The following PDE4D variants were observed in gnomAD, a reference collection of about 807,000 sequenced individuals.
PDE4D encodes phosphodiesterase 4D, also known as 3',5'-cyclic-AMP phosphodiesterase 4D.
Under a neutral mutation model 87.4 loss-of-function variants are expected in PDE4D, and 24 were observed. The observed-to-expected ratio is 0.27, with a 90% CI of 0.20 to 0.39. PDE4D has a LOEUF of 0.39. Ranked by LOEUF, PDE4D falls within the 10% of genes least tolerant of loss-of-function variation. The probability of loss-of-function intolerance (pLI) is 1.00; values close to 1 mark genes in which losing one functional copy is unlikely to be tolerated. For missense variants in PDE4D, 714 were observed against 1,041.0 expected, an observed-to-expected ratio of 0.69 and a Z score of 4.32; for synonymous variants, 384 against 383.2, an observed-to-expected ratio of 1.00 and a Z score of -0.02.
intron 1 of PDE4D, among the ~76,000 whole-genome samples, chr5:60,467,001 C>G (rs1747405745): frequency 6.7e-6 from 1 of 150,278 alleles, no homozygotes; most frequent in Admixed American, 6.7e-5. Context: ...TTTAACAGAT[C>G]TGCACTGGAA....
intron 1 of PDE4D, among the ~76,000 whole-genome samples, chr5:60,226,332 T>G (rs1212396914): frequency 6.6e-6 from 1 of 152,048 alleles, no homozygotes. Context: ...AAAAACAAAG[T>G]ACTAGACTTC....
intron 1 of PDE4D, among the ~76,000 whole-genome samples, chr5:59,325,714 T>C (rs1182207416): frequency 1.3e-5 from 2 of 152,156 alleles, no homozygotes; most frequent in Non-Finnish European, 2.9e-5. Context: ...GAAAGTTTGG[T>C]AGAACTTGTA....
intron 2 of PDE4D, among the ~76,000 whole-genome samples, chr5:60,160,548 C>A (rs952388113): frequency 1.3e-5 from 2 of 152,048 alleles, no homozygotes; most frequent in Non-Finnish European, 2.9e-5. Context: ...GTGAAAAACA[C>A]ATATCATTTA....
chr5:59,404,982 T>C (rs1359497729), intron 1 of PDE4D, among the ~76,000 whole-genome samples: 2 of 152,214 alleles, frequency 1.3e-5, no homozygotes, highest in Non-Finnish European at 2.9e-5. Flanking sequence ...TTGGTTACTA[T>C]AGCTCTGTAG....
chr5:60,028,908 A>G (rs1766938759), intron 2 of PDE4D, among the ~76,000 whole-genome samples: 1 of 152,146 alleles, frequency 6.6e-6, no homozygotes, highest in Admixed American at 6.5e-5. Flanking sequence ...CAATCCCTCC[A>G]GTCAGATTAC....
rs180940313 is a variant in PDE4D, at chr5:59,636,056, T to C, written c.455+257112A>G. On this transcript the variant is annotated intron_variant, in intron 1 of 14. Coordinates refer to ENST00000340635, the MANE Select transcript of PDE4D (RefSeq NM_001104631.2). ...GCAAAGTCTCAGGATAAAAACTCAA[T>C]GTACAAAAATCACAATCATTCCTAT... Among the ~76,000 whole-genome samples, 198 of 149,910 alleles carry C rather than the reference T, an allele frequency of 1.3e-3. 1 individual carries two copies. The highest frequency in any genetic ancestry group is 4.6e-3 in the African/African-American group (186 of 40,490).
intron 1 of PDE4D, among the ~76,000 whole-genome samples, chr5:59,488,647 C>CG (rs1308466173): frequency 6.7e-6 from 1 of 148,366 alleles, no homozygotes; most frequent in Non-Finnish European, 1.5e-5. Flanking sequence ...ATAAACCTTT[C>CG]AAAAAATATA....
intron 5 of PDE4D, among the ~76,000 whole-genome samples, chr5:59,086,901 G>A (rs1188611483): frequency 6.6e-6 from 1 of 151,976 alleles, no homozygotes; most frequent in Non-Finnish European, 1.5e-5. Flanking sequence ...GATTATTGTA[G>A]TAGGCTCTGA....
intron 1 of PDE4D, among the ~76,000 whole-genome samples, chr5:59,775,324 A>G (rs1031302645): frequency 6.6e-6 from 1 of 152,146 alleles, no homozygotes; most frequent in Non-Finnish European, 1.5e-5. Flanking sequence ...CCATATCTCA[A>G]TCTGTACTAG....
chr5:60,141,811 C>G (rs973281188), intron 2 of PDE4D, among the ~76,000 whole-genome samples: 1 of 152,094 alleles, frequency 6.6e-6, no homozygotes. Context: ...ATGGGAGAGG[C>G]CTTGGTTTGA....
At chr5:60,241,602 T>C (rs1344039261) in intron 1 of PDE4D, among the ~76,000 whole-genome samples, 4 of 151,932 alleles carry the variant, frequency 2.6e-5, no homozygotes, top group Non-Finnish European at 5.9e-5. Flanking sequence ...ATTAGTGAGC[T>C]AGAAGACAGG....
chr5:59,488,647 C>G (rs948006367), intron 1 of PDE4D, among the ~76,000 whole-genome samples: 2 of 148,366 alleles, frequency 1.3e-5, no homozygotes, highest in Non-Finnish European at 3.0e-5. Flanking sequence ...ATAAACCTTT[C>G]AAAAAATATA....
At chr5:60,185,749 C>T in intron 1 of PDE4D, 2 of 527,918 alleles carry the variant, frequency 3.8e-6, no homozygotes, top group African/African-American at 1.9e-5. Flanking sequence ...CTTTGAAATG[C>T]TGTCTTAGAC....
At chr5:59,475,456 A>T (rs1051684656) in intron 1 of PDE4D, among the ~76,000 whole-genome samples, 20 of 152,132 alleles carry the variant, frequency 1.3e-4, no homozygotes, top group Admixed American at 1.2e-3. Flanking sequence ...TCTTACTTTC[A>T]CTCTCAAGTC....
At position 58,974,602 on chromosome 5, in the gene PDE4D, C is replaced by T. The variant is rs2153301680; in HGVS notation, c.*62G>A. ...GTGTGACCGTGGTTGTGGCATGTGACATGCACTTTGGAAACAATTTTTCTA... is the reference window on the plus strand; with the variant it reads ...GTGTGACCGTGGTTGTGGCATGTGATATGCACTTTGGAAACAATTTTTCTA... On this transcript the variant is annotated 3_prime_UTR_variant, in exon 15 of 15. Transcript: ENST00000340635. The T allele has an allele frequency of 6.9e-7, 1 of 1,455,592 alleles. No individual in the cohort carries two copies. Among genetic ancestry groups the T allele is most frequent in the Non-Finnish European group, 9.2e-7 (1 of 1,081,562 alleles). The allele number at this position is 1,455,592 out of a possible 1,614,324, so 90.2% of individuals were successfully genotyped here. A position where few individuals can be genotyped will look rare whatever the true frequency, so the allele number is the denominator to read the frequency against.
At chr5:59,920,395 T>C (rs890409550) in intron 3 of PDE4D, among the ~76,000 whole-genome samples, 2 of 152,246 alleles carry the variant, frequency 1.3e-5, no homozygotes, top group African/African-American at 4.8e-5. Context: ...CCTGTGGAAA[T>C]GCTGATGTGT....
rs1750296397 is a variant in PDE4D, at chr5:60,267,112, AAGG to A, written c.-89-81428_-89-81426del. 2.0e-5 allele frequency among the ~76,000 whole-genome samples: 3 copies of A among 152,238 alleles called. No individual in the cohort carries two copies. The South Asian group carries it at 6.2e-4, about 32-fold the overall frequency. On this transcript the variant is annotated intron_variant, in intron 1 of 16. Transcript: ENST00000502484. ...AAGTTATCGCCAATACATATAGAAT[AAGG>A]ACGTAAAACTGTCCGTGTGTTTCCG...
At chr5:60,019,941 G>C (rs180686707) in intron 2 of PDE4D, among the ~76,000 whole-genome samples, 1 of 152,150 alleles carries the variant, frequency 6.6e-6, no homozygotes, top group African/African-American at 2.4e-5. Context: ...GGCACAAGAG[G>C]CTTAGCTTCC....
intron 1 of PDE4D, among the ~76,000 whole-genome samples, chr5:60,298,150 T>TAAA (rs5868233): frequency 4.9e-5 from 7 of 141,876 alleles, no homozygotes; most frequent in African/African-American, 1.0e-4. Context: ...ACCAGAAAAA[T>TAAA]AAAAAAAAAA....
Sources: gnomAD v4.1 joint callset for allele counts (sites outside exome capture counted in the v4.1 genomes callset) on GRCh38, gnomAD v4.1.1 for gene constraint, MANE v1.5 for transcripts, NCBI Gene and HGNC (gene_info 2026-07-23, HGNC 2026-07-21) for gene names.